Variants in EYS observed in about 807,000 individuals in gnomAD.
EYS encodes EGF-like photoreceptor maintenance factor.
EYS carries 250 observed loss-of-function variants against 282.1 expected under a neutral mutation model. The ratio of observed to expected loss-of-function variants is 0.89; its 90% confidence interval spans 0.80 to 0.98. The LOEUF (loss-of-function observed/expected upper bound fraction) is 0.98. Ranked by LOEUF, EYS falls within the 50% of genes least tolerant of loss-of-function variation. EYS has a pLI of 0.00. For missense variants in EYS, 4,016 were observed against 3,709.0 expected (o/e 1.08, Z -2.15); for synonymous variants, 1,355 against 1,282.9 (o/e 1.06, Z -1.20).
chr6:64,298,573 T>C (rs1413449763), intron 30 of EYS, among the ~76,000 whole-genome samples: 1 of 151,952 alleles, frequency 6.6e-6, no homozygotes, highest in Non-Finnish European at 1.5e-5. Context: ...TACTTCACTA[T>C]AAAAGATAAA....
intron 2 of EYS, among the ~76,000 whole-genome samples, chr6:65,619,029 G>A (rs1365646612): frequency 5.3e-5 from 8 of 152,176 alleles, no homozygotes; most frequent in African/African-American, 1.4e-4. Context: ...TTGACTTGGC[G>A]ATGCGGGCTC....
chr6:65,664,287 C>G (rs925566933), intron 1 of EYS, among the ~76,000 whole-genome samples: 1 of 152,026 alleles, frequency 6.6e-6, no homozygotes, highest in Non-Finnish European at 1.5e-5. Context: ...CAAAAGCACA[C>G]CATGCACACA....
In EYS at chr6:64,071,526, T is replaced by C. The variant is rs541606746; in HGVS notation, c.6572-5035A>G. On this transcript the variant is annotated intron_variant, in intron 32 of 42. Coordinates refer to ENST00000503581, the MANE Select transcript of EYS (RefSeq NM_001142800.2). ...ACCAGTTACTACATAAATTAATAAG[T>C]AAATAAAATCTTTGACATTTTTTTA... Among the ~76,000 whole-genome samples, 6 of 150,850 alleles carry C rather than the reference T, an allele frequency of 4.0e-5. No individual in the cohort carries two copies. The South Asian group carries it at 1.3e-3, about 31-fold the overall frequency.
In EYS at chr6:64,822,812, A is replaced by T. The variant is rs1389794536; in HGVS notation, c.3003T>A (p.Cys1001Ter). Residue 1001 changes from cysteine (C) to a stop codon, truncating the protein, a stop_gained, in exon 20 of 43, where the codon TGT becomes TGA. Coordinates refer to ENST00000503581, the MANE Select transcript of EYS (RefSeq NM_001142800.2). LOFTEE classifies it high-confidence loss of function. ...ATAGGCATTCATCTAGATTTATTTC[A>T]CAGTTGATGCCTGTGTTGGAACAGA... is the stretch of plus-strand genomic sequence containing the variant. ...LCAPGYTGINCEINLDECLSE... is the reference protein window; with the variant it reads ...LCAPGYTGIN The T allele has an allele frequency of 2.3e-5, 36 of 1,548,920 alleles. No individual in the cohort carries two copies. Among genetic ancestry groups the T allele is most frequent in the Non-Finnish European group, 3.1e-5 (36 of 1,145,480 alleles).
intron 22 of EYS, among the ~76,000 whole-genome samples, chr6:64,645,292 A>C (rs9452281): frequency 0.2 from 30,433 of 152,172 alleles, 3,480 homozygotes; most frequent in East Asian, 0.35. Flanking sequence ...AATAAAACAG[A>C]AGCATTAAGA....
At chr6:64,851,767 A>G (rs1765892596) in intron 19 of EYS, among the ~76,000 whole-genome samples, 2 of 152,036 alleles carry the variant, frequency 1.3e-5, no homozygotes, top group Admixed American at 6.6e-5. Flanking sequence ...GGACATATAC[A>G]GGGGAAAAAT....
Position 64,292,764 on chromosome 6 carries a change from A to G in EYS, c.6191+14206T>C, listed in dbSNP as rs192521359. On this transcript the variant is annotated intron_variant, in intron 30 of 42. Coordinates refer to ENST00000503581, the MANE Select transcript of EYS (RefSeq NM_001142800.2). ...TTAGGTTGAGGAGAAACAAATGACA[A>G]ACAACAAGTACAATAACAATAACTA... Among the ~76,000 whole-genome samples the G allele has an allele frequency of 5.3e-5, 8 of 152,218 alleles. No homozygotes were observed. In the East Asian group the frequency reaches 1.2e-3, roughly 22 times the overall value.
At chr6:64,522,878 T>A in intron 26 of EYS, among the ~76,000 whole-genome samples, 1 of 151,750 alleles carries the variant, frequency 6.6e-6, no homozygotes, top group East Asian at 1.9e-4. Flanking sequence ...AAGTGCACAG[T>A]TAAAGATGAA....
intron 13 of EYS, among the ~76,000 whole-genome samples, chr6:65,055,558 C>G (rs1037614487): frequency 6.6e-6 from 1 of 151,926 alleles, no homozygotes; most frequent in South Asian, 2.1e-4. Context: ...GTTCCAATAT[C>G]TCTTCCAAGA....
rs919712626 is a variant in EYS at position 65,444,853 on chromosome 6, A to C, written c.863-39486T>G. On this transcript the variant is annotated intron_variant, in intron 5 of 42. Coordinates refer to ENST00000503581, the MANE Select transcript of EYS (RefSeq NM_001142800.2). Reference sequence around the variant, plus strand: ...GATTATATTTATACTTAGATGCTAGAAGCAGGACCAATATATTGCGCTTCC... The same window carrying C: ...GATTATATTTATACTTAGATGCTAGCAGCAGGACCAATATATTGCGCTTCC... Among the ~76,000 whole-genome samples the C allele has an allele frequency of 2.7e-4, 41 of 152,208 alleles. 1 individual carries two copies. The highest frequency in any genetic ancestry group is 7.9e-4 in the African/African-American group (33 of 41,566).
chr6:65,021,920 G>A (rs560556930), intron 13 of EYS, among the ~76,000 whole-genome samples: 3 of 152,230 alleles, frequency 2.0e-5, no homozygotes, highest in African/African-American at 7.2e-5. Flanking sequence ...CACACCTTGT[G>A]AGAACTCACT....
rs1271175067 is a variant in EYS, at chr6:65,554,212, G to GTA, written c.-332-58221_-332-58220dup. On this transcript the variant is annotated intron_variant, in intron 2 of 42. Transcript: ENST00000503581. ...TTGTTTATAAGCCATCCAGGCTATG[G>GTA]TACTTGTTATAGTAGCCCACAGATA... is the stretch of plus-strand genomic sequence containing the variant. 6.6e-5 allele frequency among the ~76,000 whole-genome samples: 10 copies of GTA among 152,106 alleles called. No individual in the cohort carries two copies. In the East Asian group the frequency reaches 1.9e-3, roughly 29 times the overall value.
chr6:63,785,825 C>G (rs1382013238), intron 39 of EYS, among the ~76,000 whole-genome samples: 1 of 151,978 alleles, frequency 6.6e-6, no homozygotes, highest in Non-Finnish European at 1.5e-5. Context: ...CCTGGGCAAC[C>G]TGGAAAATCC....
At chr6:65,159,800 G>GA (rs1177562052) in intron 12 of EYS, among the ~76,000 whole-genome samples, 3 of 150,632 alleles carry the variant, frequency 2.0e-5, no homozygotes, top group Non-Finnish European at 3.0e-5. Context: ...AGCTTTGAAA[G>GA]AAAAAATGGT....
At chr6:65,197,197 C>T (rs963950384) in intron 12 of EYS, among the ~76,000 whole-genome samples, 2 of 151,938 alleles carry the variant, frequency 1.3e-5, no homozygotes, top group Admixed American at 1.3e-4. Flanking sequence ...GATGTGGGGG[C>T]ATATAATAAC....
intron 2 of EYS, among the ~76,000 whole-genome samples, chr6:65,557,197 C>T (rs994531685): frequency 4.3e-4 from 65 of 152,178 alleles, no homozygotes; most frequent in African/African-American, 1.4e-3. Flanking sequence ...TTTGCTGGCA[C>T]CTGCTAGGCT....
rs6913248 is a variant in EYS at position 64,692,765 on chromosome 6, G to T, written c.3444-66520C>A. Among the ~76,000 whole-genome samples, 1,056 of 152,124 alleles carry T rather than the reference G, an allele frequency of 6.9e-3. 4 individuals carry two copies. The highest frequency in any genetic ancestry group is 9.3e-3 in the Non-Finnish European group (629 of 67,950). ...ATAAGGAGCCCTTTCTCCATTGCTT[G>T]TTTTTGTCTACCTCATCGAAGATCA... On this transcript the variant is annotated intron_variant, in intron 22 of 42. Transcript: ENST00000503581.
intron 2 of EYS, among the ~76,000 whole-genome samples, chr6:65,545,974 C>G (rs1478358020): frequency 6.6e-6 from 1 of 151,192 alleles, no homozygotes; most frequent in East Asian, 1.9e-4. Context: ...CTTGGCAAAC[C>G]TTTTTAGATT....
chr6:64,649,881 C>G (rs6930306), intron 22 of EYS, among the ~76,000 whole-genome samples: 97,181 of 151,762 alleles, frequency 0.64, 31,328 homozygotes, highest in African/African-American at 0.71. Flanking sequence ...AGAACCATGG[C>G]CCAAGGAAAT....
Sources: gnomAD v4.1 joint callset for allele counts (sites outside exome capture counted in the v4.1 genomes callset) on GRCh38, gnomAD v4.1.1 for gene constraint, MANE v1.5 for transcripts, NCBI Gene and HGNC (gene_info 2026-07-23, HGNC 2026-07-21) for gene names.